PCDH9: variants seen among roughly 807,000 people sequenced by gnomAD.
PCDH9 encodes the protein protocadherin-9.
A neutral mutation model predicts 70.6 loss-of-function variants in PCDH9; 24 were observed. The ratio of observed to expected loss-of-function variants is 0.34; its 90% CI spans 0.25 to 0.48. The LOEUF (loss-of-function observed/expected upper bound fraction) is 0.48, where lower values mean the gene tolerates loss of function less well. PCDH9 is among the 20% of genes least tolerant of loss of function. PCDH9 has a pLI of 0.99. For missense variants in PCDH9, 1,281 were observed against 1,503.6 expected, an observed-to-expected ratio of 0.85 and a Z score of 2.45; for synonymous variants, 562 against 558.5, an observed-to-expected ratio of 1.01 and a Z score of -0.09.
chr13:66,889,357 G>A (rs375909671), intron 3 of PCDH9, among the ~76,000 whole-genome samples: 2 of 151,980 alleles, frequency 1.3e-5, no homozygotes, highest in South Asian at 2.1e-4. Context: ...TAATTTTTTT[G>A]GTTTAGCACG....
chr13:67,039,228 C>A (rs916234611), intron 2 of PCDH9, among the ~76,000 whole-genome samples: 6 of 152,196 alleles, frequency 3.9e-5, no homozygotes, highest in Non-Finnish European at 2.9e-5. Context: ...TTTCCGTGGA[C>A]CCCCAGATTG....
intron 2 of PCDH9, among the ~76,000 whole-genome samples, chr13:67,042,402 G>A (rs192848573): frequency 5.9e-5 from 9 of 152,166 alleles, no homozygotes; most frequent in South Asian, 2.1e-4. Flanking sequence ...GAGAAGTGCC[G>A]AGCAAAGGGC....
chr13:67,016,177 T>A (rs2084556950), intron 2 of PCDH9, among the ~76,000 whole-genome samples: 1 of 152,018 alleles, frequency 6.6e-6, no homozygotes, highest in Non-Finnish European at 1.5e-5. Flanking sequence ...TCATGACTCC[T>A]TACACTACTC....
chr13:66,957,002 G>A (rs1052018445), intron 2 of PCDH9, among the ~76,000 whole-genome samples: 2 of 152,106 alleles, frequency 1.3e-5, no homozygotes, highest in African/African-American at 2.4e-5. Flanking sequence ...CTACTCTAAA[G>A]GCTTGGTTTT....
chr13:66,380,108 T>C (rs113922973), intron 4 of PCDH9, among the ~76,000 whole-genome samples: 1 of 152,282 alleles, frequency 6.6e-6, no homozygotes, highest in African/African-American at 2.4e-5. Flanking sequence ...ATATGTAGCA[T>C]ATAGAAAAAG....
At chr13:66,947,664 C>A (rs1406049585) in intron 2 of PCDH9, among the ~76,000 whole-genome samples, 1 of 152,038 alleles carries the variant, frequency 6.6e-6, no homozygotes, top group Non-Finnish European at 1.5e-5. Context: ...AGCATGAGCA[C>A]CTGTCCTGTC....
At chr13:66,316,272 T>C (rs1955650267) in intron 4 of PCDH9, among the ~76,000 whole-genome samples, 1 of 152,222 alleles carries the variant, frequency 6.6e-6, no homozygotes, top group South Asian at 2.1e-4. Flanking sequence ...AGGTCCTTTT[T>C]GTCATGTATG....
Position 66,631,302 on chromosome 13 carries a change from G to C in PCDH9, c.3248C>G (p.Pro1083Arg). Reference protein sequence around the residue: ...PVGSGTLISHPLPLVQPQDEF... With the variant: ...PVGSGTLISHRLPLVQPQDEF... ...GTCCTGTGGCTGAACCAGAGGAAGA[G>C]GGTGTGAGATCAGGGTTCCACTACC... The change falls in exon 4 of 5, where the codon CCT becomes CGT. Residue 1083 changes from proline to arginine, a missense_variant. Physicochemically the swap from Pro to Arg is moderately radical, Grantham distance 103. Coordinates refer to ENST00000377865, the MANE Select transcript of PCDH9 (RefSeq NM_203487.3). 1 of 1,607,202 alleles carries C rather than the reference G, an allele frequency of 6.2e-7. No individual in the cohort carries two copies. Among genetic ancestry groups the C allele is most frequent in the Non-Finnish European group, 8.5e-7 (1 of 1,173,714 alleles).
At chr13:66,844,846 C>A (rs1275373252) in intron 3 of PCDH9, among the ~76,000 whole-genome samples, 1 of 152,074 alleles carries the variant, frequency 6.6e-6, no homozygotes, top group Non-Finnish European at 1.5e-5. Context: ...TTCATACTCT[C>A]TAGGGCAAAG....
chr13:66,649,261 A>C (rs1047562891), intron 3 of PCDH9, among the ~76,000 whole-genome samples: 1 of 152,160 alleles, frequency 6.6e-6, no homozygotes, highest in Non-Finnish European at 1.5e-5. Flanking sequence ...CAAGACACTT[A>C]ATAATCAAAT....
At position 66,536,696 on chromosome 13, in the gene PCDH9, A is replaced by G. The variant is rs371470507; in HGVS notation, c.3340+94514T>C. 5.9e-5 allele frequency among the ~76,000 whole-genome samples: 9 copies of G among 152,096 alleles called. No homozygotes were observed. In the South Asian group the frequency reaches 1.2e-3, roughly 21 times the overall value. On this transcript the variant is annotated intron_variant, in intron 4 of 4. Coordinates refer to ENST00000377865, the MANE Select transcript of PCDH9 (RefSeq NM_203487.3). Reference sequence around the variant, plus strand: ...GATATAGCTTCTGAAAATTGGATGAATGGAATATTTTGAAAATGTATATGC... The same window carrying G: ...GATATAGCTTCTGAAAATTGGATGAGTGGAATATTTTGAAAATGTATATGC...
At chr13:67,110,937 C>T (rs2086647513) in intron 2 of PCDH9, among the ~76,000 whole-genome samples, 2 of 152,210 alleles carry the variant, frequency 1.3e-5, no homozygotes, top group South Asian at 2.1e-4. Context: ...GGATTATAGG[C>T]TTATCCATTA....
At chr13:67,187,659 T>C (rs2088793674) in intron 2 of PCDH9, among the ~76,000 whole-genome samples, 1 of 152,150 alleles carries the variant, frequency 6.6e-6, no homozygotes, top group African/African-American at 2.4e-5. Context: ...TATTTATTTA[T>C]ATTTTTAATA....
intron 2 of PCDH9, among the ~76,000 whole-genome samples, chr13:67,003,481 T>C (rs2139824903): frequency 6.6e-6 from 1 of 152,322 alleles, no homozygotes; most frequent in South Asian, 2.1e-4. Context: ...AAGTTTACTT[T>C]CGCATTTCAC....
At chr13:66,382,529 T>C (rs569265989) in intron 4 of PCDH9, among the ~76,000 whole-genome samples, 3 of 147,416 alleles carry the variant, frequency 2.0e-5, no homozygotes, top group Non-Finnish European at 4.4e-5. Flanking sequence ...AACATGGCTG[T>C]TGTAGCAATT....
chr13:66,707,731 G>T (rs2078730090), intron 3 of PCDH9, among the ~76,000 whole-genome samples: 1 of 152,146 alleles, frequency 6.6e-6, no homozygotes. Context: ...GAAAATATTT[G>T]TCAGGATTTT....
chr13:66,912,847 T>C (rs189714075), intron 2 of PCDH9, among the ~76,000 whole-genome samples: 238 of 152,186 alleles, frequency 1.6e-3, no homozygotes, highest in Middle Eastern at 0.014. Context: ...GAATTATAAT[T>C]ACATTTTGAA....
intron 4 of PCDH9, among the ~76,000 whole-genome samples, chr13:66,594,392 A>G (rs985093150): frequency 6.6e-6 from 1 of 151,810 alleles, no homozygotes; most frequent in Admixed American, 6.6e-5. Context: ...ACAGGTTTTG[A>G]ATATAAAAAT....
At chr13:66,344,003 T>C (rs1956172786) in intron 4 of PCDH9, among the ~76,000 whole-genome samples, 1 of 152,202 alleles carries the variant, frequency 6.6e-6, no homozygotes, top group Admixed American at 6.5e-5. Flanking sequence ...TGTCAAAGTA[T>C]CCCTTAGAAA....
Sources: gnomAD v4.1 joint callset for allele counts (sites outside exome capture counted in the v4.1 genomes callset) on GRCh38, gnomAD v4.1.1 for gene constraint, MANE v1.5 for transcripts, NCBI Gene and HGNC (gene_info 2026-07-23, HGNC 2026-07-21) for gene names.